Variants in FAM83A observed in about 807,000 individuals in gnomAD.
FAM83A encodes the protein protein FAM83A.
Under a neutral mutation model 24.4 loss-of-function variants are expected in FAM83A, and 21 were observed. The observed-to-expected ratio is 0.86, with a 90% CI of 0.61 to 1.24. The LOEUF is 1.24. Ranked by LOEUF, FAM83A falls within the 50% of genes most tolerant of loss-of-function variation. The pLI is 0.00. For synonymous variants in FAM83A, 270 were observed against 252.4 expected (o/e 1.07, Z -0.66); for missense variants, 617 against 579.8 (o/e 1.06, Z -0.66).
chr8:123,182,210 T>G (rs1255566530), upstream of FAM83A: 3 of 434,776 alleles, frequency 6.9e-6, no homozygotes, highest in South Asian at 4.9e-5. Flanking sequence ...AGCTCCTTCA[T>G]AGGGCAGGGA....
At chr8:123,184,969 T>A (rs1823742060) in intron 1 of FAM83A, among the ~76,000 whole-genome samples, 1 of 152,118 alleles carries the variant, frequency 6.6e-6, no homozygotes, top group Non-Finnish European at 1.5e-5. Flanking sequence ...CATCCAAGGG[T>A]GAAGAGGCCA....
At chr8:123,184,025 T>C (rs1823713191) in intron 1 of FAM83A, among the ~76,000 whole-genome samples, 1 of 152,108 alleles carries the variant, frequency 6.6e-6, no homozygotes, top group Admixed American at 6.5e-5. Flanking sequence ...TCTAATTTGG[T>C]CTTTTCCCTG....
At chr8:123,200,991 A>G (rs1824338042) in intron 3 of FAM83A, among the ~76,000 whole-genome samples, 2 of 148,988 alleles carry the variant, frequency 1.3e-5, no homozygotes, top group Admixed American at 1.3e-4. Flanking sequence ...ATATACACAT[A>G]TATACAAAAA....
At position 123,183,209 on chromosome 8, in the gene FAM83A, T is replaced by A. The variant is rs768269249; in HGVS notation, c.353T>A (p.Leu118Gln). Residue 118 changes from leucine (L) to glutamine (Q), a missense_variant, in exon 1 of 4, where the codon CTG (leucine) becomes CAG (glutamine). Physicochemically the swap from Leu to Gln is moderately radical, Grantham distance 113 (BLOSUM62 -2). Coordinates refer to ENST00000690554, the Ensembl canonical transcript of FAM83A. ...TCAGAGGGCAGCGAGCCGGCCCTAC[T>A]GCACAGCTGGGCCTCAGCTGAGAAG... is the stretch of plus-strand genomic sequence containing the variant. 12 of 1,613,428 alleles carry A rather than the reference T, an allele frequency of 7.4e-6. No homozygotes were observed. In the Admixed American group the frequency reaches 1.5e-4, roughly 20 times the overall value.
At chr8:123,183,286 C>G (rs1041536695) in exon 1 of FAM83A, 1 of 1,613,122 alleles carries the variant, frequency 6.2e-7, no homozygotes, top group African/African-American at 1.3e-5. Flanking sequence ...GACCGTCAAG[C>G]ACAACAACAT....
upstream of FAM83A, among the ~76,000 whole-genome samples, chr8:123,181,075 T>TTGA (rs1823586664): frequency 6.6e-6 from 1 of 152,176 alleles, no homozygotes; most frequent in Non-Finnish European, 1.5e-5. Context: ...CCTGCCCCAG[T>TTGA]AGCTGGGACT....
rs566553740 is a variant in FAM83A at position 123,200,787 on chromosome 8, C to G, written c.774-6370C>G. 7.2e-4 allele frequency among the ~76,000 whole-genome samples: 109 copies of G among 152,114 alleles called. 1 individual carries two copies. Among genetic ancestry groups the G allele is most frequent in the Admixed American group, 2.8e-3 (43 of 15,274 alleles). ...TGGCCAACATGGCAAAACCCTGTCT[C>G]TACTAAAAATACAAAAAATTAGCCA... On this transcript the variant is annotated intron_variant, in intron 3 of 3. Coordinates refer to ENST00000690554, the Ensembl canonical transcript of FAM83A.
At chr8:123,181,484 G>A (rs1471284005), upstream of FAM83A, among the ~76,000 whole-genome samples, 1 of 151,878 alleles carries the variant, frequency 6.6e-6, no homozygotes, top group African/African-American at 2.4e-5. Flanking sequence ...TCATTTATTC[G>A]CTCCTCACCA....
chr8:123,196,686 T>C (rs909429372), intron 3 of FAM83A, among the ~76,000 whole-genome samples: 15 of 152,194 alleles, frequency 9.9e-5, no homozygotes, highest in African/African-American at 3.6e-4. Flanking sequence ...GACATTTTGG[T>C]TCCTATTAAG....
At chr8:123,198,756 A>C (rs1484356224) in intron 3 of FAM83A, among the ~76,000 whole-genome samples, 1 of 151,110 alleles carries the variant, frequency 6.6e-6, no homozygotes, top group African/African-American at 2.4e-5. Context: ...GTCGTACCCC[A>C]CTCTTTTTTT....
At chr8:123,182,026 C>A, upstream of FAM83A, 1 of 456,252 alleles carries the variant, frequency 2.2e-6, no homozygotes. Flanking sequence ...CTCACTCCAG[C>A]GCCAACACTG....
exon 4 of FAM83A, chr8:123,208,400 C>T: frequency 2.0e-6 from 2 of 985,614 alleles, no homozygotes; most frequent in Non-Finnish European, 2.4e-6. Context: ...CTTCAAAGAG[C>T]CTTGGGCTGG....
chr8:123,189,535 T>C (rs1823906288), intron 1 of FAM83A, among the ~76,000 whole-genome samples: 3 of 152,230 alleles, frequency 2.0e-5, no homozygotes, highest in Admixed American at 2.0e-4. Context: ...AGCTGGAAAC[T>C]GCTTAGGGCA....
Position 123,209,270 on chromosome 8 carries a change from G to C in FAM83A, c.*1582G>C. ...GGTGGCCTCTGACCCCTGACGGCCT[G>C]TGGCATCCTCCCTAGTCCCCTCTGC... On this transcript the variant is annotated 3_prime_UTR_variant, in exon 4 of 4. Transcript: ENST00000690554. The surrounding 1 kb of genome is among the most constrained non-coding windows in gnomAD (Gnocchi z 4.7). The C allele has an allele frequency of 5.4e-6, 7 of 1,295,144 alleles. No individual in the cohort carries two copies. Among genetic ancestry groups the C allele is most frequent in the Non-Finnish European group, 6.8e-6 (7 of 1,029,206 alleles). The allele number at this position is 1,295,144 out of a possible 1,614,324, so 80.2% of individuals were successfully genotyped here.
At chr8:123,207,267 C>T (rs1412452032) in exon 4 of FAM83A, 2 of 1,613,096 alleles carry the variant, frequency 1.2e-6, no homozygotes, top group Admixed American at 3.3e-5. Context: ...TCCTCCAAGC[C>T]TGTGATGGGC....
At chr8:123,185,410 A>G (rs985773227) in intron 1 of FAM83A, among the ~76,000 whole-genome samples, 1 of 152,186 alleles carries the variant, frequency 6.6e-6, no homozygotes, top group Non-Finnish European at 1.5e-5. Flanking sequence ...TGTAAAACAC[A>G]GTCCCCTGGC....
At chr8:123,207,335 C>T in exon 4 of FAM83A, 1 of 1,611,632 alleles carries the variant, frequency 6.2e-7, no homozygotes, top group South Asian at 1.1e-5. Context: ...GGCCAATGGC[C>T]GCCTTAGCAG....
At chr8:123,202,815 G>A (rs1824406390) in intron 3 of FAM83A, 1 of 152,252 alleles carries the variant, frequency 6.6e-6, no homozygotes, top group African/African-American at 2.4e-5. Context: ...GGATGTTCTG[G>A]AAATTATTGT....
chr8:123,196,530 T>G (rs77099412), intron 3 of FAM83A, among the ~76,000 whole-genome samples: 8,277 of 152,284 alleles, frequency 0.054, 316 homozygotes, highest in South Asian at 0.082. Flanking sequence ...CTACGAAGCT[T>G]AATAATTTAT....
Sources: gnomAD v4.1 joint callset for allele counts (sites outside exome capture counted in the v4.1 genomes callset) on GRCh38, gnomAD v4.1.1 for gene constraint, Gnocchi (gnomAD v3.1) non-coding constraint, MANE v1.5 for transcripts, NCBI Gene and HGNC (gene_info 2026-07-23, HGNC 2026-07-21) for gene names.